The following SEC23B variants were observed in gnomAD, a reference collection of about 807,000 sequenced individuals.
SEC23B encodes SEC23 homolog B, COPII component.
A neutral mutation model predicts 104.3 loss-of-function variants in SEC23B; 77 were observed. That is an observed-to-expected ratio of 0.74 (90% CI 0.61 to 0.89). The LOEUF is 0.89. Among genes scored for constraint, SEC23B ranks in the 40% least tolerant of loss-of-function variants. The probability of loss-of-function intolerance (pLI) is 0.00; values close to 1 mark genes in which losing one functional copy is unlikely to be tolerated. For missense variants in SEC23B, 885 were observed against 949.4 expected, an observed-to-expected ratio of 0.93 and a Z score of 0.89; for synonymous variants, 338 against 332.5, an observed-to-expected ratio of 1.02 and a Z score of -0.18.
At chr20:18,517,495 G>A (rs564184055) in intron 4 of SEC23B, among the ~76,000 whole-genome samples, 1 of 152,210 alleles carries the variant, frequency 6.6e-6, no homozygotes, top group Non-Finnish European at 1.5e-5. Context: ...CCATCTGGAT[G>A]TATACGTGCA....
chr20:18,537,994 A>G (rs896797459), intron 12 of SEC23B, among the ~76,000 whole-genome samples: 1 of 151,764 alleles, frequency 6.6e-6, no homozygotes, highest in Non-Finnish European at 1.5e-5. Context: ...GGCACGATCT[A>G]TCACCCAGGC....
In SEC23B at chr20:18,525,910, C is replaced by G. The variant is rs748164368; in HGVS notation, c.812C>G (p.Ser271Cys). Residue 271 changes from serine (S) to cysteine (C), a missense_variant, in exon 7 of 20, where the codon TCC becomes TGC. Transcript: ENST00000650089. ...RPLRSTGVAL[S>C]IAVGLLEGTF... ...TTGCGATCCACTGGTGTGGCTTTGT[C>G]CATTGCTGTTGGCTTGCTGGAGGTA... 1 of 1,614,204 alleles carries G rather than the reference C, an allele frequency of 6.2e-7. No individual in the cohort carries two copies. Among genetic ancestry groups the G allele is most frequent in the Non-Finnish European group, 8.5e-7 (1 of 1,180,034 alleles).
intron 4 of SEC23B, among the ~76,000 whole-genome samples, chr20:18,523,397 CT>C (rs112136906): frequency 1.7e-3 from 217 of 130,548 alleles, no homozygotes; most frequent in South Asian, 4.6e-3. Flanking sequence ...TCTTTCCTTT[CT>C]TTTTTTTTTT....
chr20:18,526,238 GTAT>G (rs2060132872), intron 7 of SEC23B, 132 bp from the exon 8 acceptor site: 7 of 1,010,952 alleles, frequency 6.9e-6, no homozygotes, highest in Middle Eastern at 3.0e-4. Context: ...ATTATCATCT[GTAT>G]TATTCTGCAT....
intron 1 of SEC23B, among the ~76,000 whole-genome samples, chr20:18,510,544 C>T (rs1455725245): frequency 2.0e-5 from 3 of 152,170 alleles, no homozygotes; most frequent in Admixed American, 6.5e-5. Flanking sequence ...GCGGGTGGAT[C>T]ACCTGAGGTC....
chr20:18,538,438 A>G (rs1031167289), intron 12 of SEC23B, among the ~76,000 whole-genome samples: 5 of 151,576 alleles, frequency 3.3e-5, no homozygotes, highest in Non-Finnish European at 5.9e-5. Context: ...TATTTTTAGT[A>G]GAGACGGGGT....
chr20:18,522,215 A>G (rs996494213), intron 4 of SEC23B, among the ~76,000 whole-genome samples: 39 of 152,184 alleles, frequency 2.6e-4, no homozygotes, highest in Non-Finnish European at 4.9e-4. Context: ...AGGAGTCCCT[A>G]CAATTGACTT....
chr20:18,560,755 C>T lies in SEC23B; in HGVS notation c.*15C>T, dbSNP rs2060485693. Reference sequence around the variant, plus strand: ...GTGCCTGTTAAGCTGAGGATACAACCAGGAAATGCAACGGTGTCAGATTGT... The same window carrying T: ...GTGCCTGTTAAGCTGAGGATACAACTAGGAAATGCAACGGTGTCAGATTGT... On this transcript the variant is annotated 3_prime_UTR_variant, in exon 20 of 20. Transcript: ENST00000650089. 6.3e-7 allele frequency: 1 copy of T among 1,586,766 alleles called. No homozygotes were observed. Among genetic ancestry groups the T allele is most frequent in the African/African-American group, 1.3e-5 (1 of 74,296 alleles).
At chr20:18,519,301 G>C (rs2060061640) in intron 4 of SEC23B, among the ~76,000 whole-genome samples, 1 of 152,208 alleles carries the variant, frequency 6.6e-6, no homozygotes, top group Non-Finnish European at 1.5e-5. Context: ...AATGGTAACT[G>C]TGGGAGACTC....
At chr20:18,528,648 G>T (rs1032522724) in intron 9 of SEC23B, among the ~76,000 whole-genome samples, 2 of 152,242 alleles carry the variant, frequency 1.3e-5, no homozygotes, top group African/African-American at 4.8e-5. Context: ...TTGTCCTAGA[G>T]AGCAGCAGAT....
chr20:18,518,582 G>GTTTTTTTTTTTTTTTTTTTTTT (rs57231166), intron 4 of SEC23B, among the ~76,000 whole-genome samples: 5 of 92,662 alleles, frequency 5.4e-5, no homozygotes, highest in South Asian at 4.6e-4. Flanking sequence ...CTGGAAGGAG[G>GTTTTTTTTTTTTTTTTTTTTTT]TTTTTTTTTT....
intron 4 of SEC23B, among the ~76,000 whole-genome samples, chr20:18,521,846 G>A (rs1043318628): frequency 3.3e-5 from 5 of 152,168 alleles, no homozygotes; most frequent in African/African-American, 4.8e-5. Flanking sequence ...AGGGACCAAT[G>A]TGTAAAAGAA....
chr20:18,526,395 C>G lies in SEC23B; in HGVS notation c.857C>G (p.Ala286Gly). The G allele has an allele frequency of 6.2e-7, 1 of 1,614,140 alleles. No individual in the cohort carries two copies. The highest frequency in any genetic ancestry group is 8.5e-7 in the Non-Finnish European group (1 of 1,179,998). Reference sequence around the variant, plus strand: ...TAGGGCACTTTTCCAAACACAGGAGCCAGGATCATGCTGTTTACTGGAGGT... The same window carrying G: ...TAGGGCACTTTTCCAAACACAGGAGGCAGGATCATGCTGTTTACTGGAGGT... The part of the protein sequence containing the change: ...LLEGTFPNTG[A>G]RIMLFTGGPP... The change falls in exon 8 of 20, where the codon GCC (alanine) becomes GGC (glycine). Residue 286 changes from alanine to glycine, a missense_variant. Transcript: ENST00000650089.
At chr20:18,554,974 AATTAGATTACTGTGCAGTAAAACAATT>A in intron 18 of SEC23B, 107 bp from the exon 19 acceptor site, 7 of 151,290 alleles carry the variant, frequency 4.6e-5, no homozygotes, top group Non-Finnish European at 6.8e-5. Flanking sequence ...AAACAATTCT[AATTAGATTACTGTGCAGTAAAACAATT>A]CTAATTTAAC....
At chr20:18,560,275 C>T (rs1300743618) in intron 19 of SEC23B, among the ~76,000 whole-genome samples, 1 of 152,040 alleles carries the variant, frequency 6.6e-6, no homozygotes, top group African/African-American at 2.4e-5. Flanking sequence ...GTGGGTACAC[C>T]ATTATCCAGC....
chr20:18,507,852 T>G (rs916025524), upstream of SEC23B: 2 of 152,336 alleles, frequency 1.3e-5, no homozygotes, highest in Non-Finnish European at 2.9e-5. Flanking sequence ...GATTGGCCAG[T>G]GGACAGCGCC....
rs767544240 is a variant in SEC23B, at chr20:18,560,766, A to G, written c.*26A>G. Reference sequence around the variant, plus strand: ...GCTGAGGATACAACCAGGAAATGCAACGGTGTCAGATTGTGTTCAAAATGT... The same window carrying G: ...GCTGAGGATACAACCAGGAAATGCAGCGGTGTCAGATTGTGTTCAAAATGT... On this transcript the variant is annotated 3_prime_UTR_variant, in exon 20 of 20. Transcript: ENST00000650089. The G allele has an allele frequency of 1.8e-5, 27 of 1,534,768 alleles. 1 individual carries two copies. Among genetic ancestry groups the G allele is most frequent in the African/African-American group, 6.8e-5 (5 of 73,238 alleles).
At chr20:18,532,910 A>G (rs551489127) in intron 11 of SEC23B, among the ~76,000 whole-genome samples, 166 bp downstream of exon 11, 2 of 152,308 alleles carry the variant, frequency 1.3e-5, no homozygotes, top group South Asian at 2.1e-4. Context: ...GTGTTATTCC[A>G]TCTGTTCATC....
Position 18,556,423 on chromosome 20 carries a change from T to C in SEC23B, c.2214+1250T>C, listed in dbSNP as rs142259342. ...GGGATGACTGTATATAGAAATACAA[T>C]TGACTTTGGTATGTTTATCTTGTAT... On this transcript the variant is annotated intron_variant, in intron 19 of 19. Transcript: ENST00000650089. 2.0e-4 allele frequency among the ~76,000 whole-genome samples: 30 copies of C among 152,324 alleles called. No homozygotes were observed. The East Asian group carries it at 4.6e-3, about 23-fold the overall frequency.
Sources: gnomAD v4.1 joint callset for allele counts (sites outside exome capture counted in the v4.1 genomes callset) on GRCh38, gnomAD v4.1.1 for gene constraint, MANE v1.5 for transcripts, NCBI Gene and HGNC (gene_info 2026-07-23, HGNC 2026-07-21) for gene names.